The following L3MBTL3 variants were observed in gnomAD, a reference collection of about 807,000 sequenced individuals.
L3MBTL3 encodes the protein lethal(3)malignant brain tumor-like protein 3.
L3MBTL3 carries 27 observed loss-of-function variants against 102.3 expected under a neutral mutation model. That is an observed-to-expected ratio of 0.26 (90% confidence interval 0.19 to 0.36). L3MBTL3 has a LOEUF of 0.36. Ranked by LOEUF, L3MBTL3 falls within the 10% of genes least tolerant of loss-of-function variation. The pLI, the probability that L3MBTL3 is intolerant of heterozygous loss-of-function variation, is 1.00. For synonymous variants in L3MBTL3, 340 were observed against 320.9 expected (o/e 1.06, Z -0.64); for missense variants, 798 against 955.3 (o/e 0.84, Z 2.17).
chr6:130,053,361 C>T (rs1328196683), intron 7 of L3MBTL3, among the ~76,000 whole-genome samples: 9 of 152,098 alleles, frequency 5.9e-5, no homozygotes, highest in African/African-American at 9.7e-5. Context: ...GTGGGCTGGG[C>T]GTGGTGGCTC....
intron 16 of L3MBTL3, among the ~76,000 whole-genome samples, chr6:130,090,101 A>G (rs1385233499): frequency 5.3e-4 from 81 of 152,224 alleles, no homozygotes; most frequent in Non-Finnish European, 5.9e-5. Context: ...TCTTGCTGAC[A>G]CACGTCTTTT....
At chr6:130,026,458 T>G (rs1204215581) in intron 2 of L3MBTL3, among the ~76,000 whole-genome samples, 1 of 152,208 alleles carries the variant, frequency 6.6e-6, no homozygotes, top group Non-Finnish European at 1.5e-5. Context: ...ACACATAGAA[T>G]ATTTTAAAAA....
intron 19 of L3MBTL3, among the ~76,000 whole-genome samples, chr6:130,107,358 G>T (rs1582583347): frequency 1.3e-5 from 2 of 152,116 alleles, no homozygotes; most frequent in African/African-American, 4.8e-5. Context: ...TAACCAGGAT[G>T]CAGTAAGTCA....
intron 19 of L3MBTL3, among the ~76,000 whole-genome samples, chr6:130,111,129 T>G (rs1785321129): frequency 6.6e-6 from 1 of 152,186 alleles, no homozygotes; most frequent in Non-Finnish European, 1.5e-5. Flanking sequence ...GCAAGTAGTT[T>G]ACTTAGTAGG....
At chr6:130,049,723 A>G (rs1283103955) in intron 4 of L3MBTL3, 33 bp from the exon 5 acceptor site, 2 of 1,613,466 alleles carry the variant, frequency 1.2e-6, no homozygotes, top group Admixed American at 1.7e-5. Context: ...ACTAACACCT[A>G]TATGCTGATG....
intron 2 of L3MBTL3, among the ~76,000 whole-genome samples, chr6:130,041,959 T>G (rs1780447797): frequency 6.6e-6 from 1 of 152,196 alleles, no homozygotes; most frequent in South Asian, 2.1e-4. Flanking sequence ...TACACATATT[T>G]CTAAAGATAA....
At chr6:130,020,020 C>G (rs1183864666) in intron 1 of L3MBTL3, among the ~76,000 whole-genome samples, 1 of 47,316 alleles carries the variant, frequency 2.1e-5, no homozygotes, top group African/African-American at 8.3e-5. Flanking sequence ...GCCGGGGCGG[C>G]GGGCTTGTGG....
In L3MBTL3 at chr6:130,104,401, TTTTTC is replaced by T; in HGVS notation, c.1737-15_1737-11del. 6.7e-7 allele frequency: 1 copy of T among 1,488,496 alleles called. No homozygotes were observed. The highest frequency in any genetic ancestry group is 9.0e-7 in the Non-Finnish European group (1 of 1,115,704). The allele number at this position is 1,488,496 out of a possible 1,614,324, so 92.2% of individuals were successfully genotyped here. A position where few individuals can be genotyped will look rare whatever the true frequency, so the allele number is the denominator to read the frequency against. On this transcript the variant is annotated intron_variant, in intron 18 of 22. Coordinates refer to ENST00000361794, the MANE Select transcript of L3MBTL3 (RefSeq NM_032438.4). Reference sequence around the variant, plus strand: ...AATGGAAATGTTCAATGTTCTTTTTTTTTTCTTTTCTTTTAATCTGTTAGTGCTGC... The same window carrying T: ...AATGGAAATGTTCAATGTTCTTTTTTTTTTCTTTTAATCTGTTAGTGCTGC...
chr6:130,139,173 G>A (rs201270127), intron 22 of L3MBTL3, among the ~76,000 whole-genome samples: 8 of 148,940 alleles, frequency 5.4e-5, no homozygotes, highest in Non-Finnish European at 4.5e-5. Context: ...GCTAATTCTG[G>A]AAAAAAAAAA....
intron 19 of L3MBTL3, among the ~76,000 whole-genome samples, chr6:130,105,609 G>A (rs1784935383): frequency 1.9e-5 from 2 of 106,800 alleles, no homozygotes; most frequent in African/African-American, 3.6e-5. Context: ...GTGACAGAGT[G>A]AGACCCTGTC....
chr6:130,111,646 A>T (rs1785353762), intron 19 of L3MBTL3, among the ~76,000 whole-genome samples: 1 of 152,184 alleles, frequency 6.6e-6, no homozygotes, highest in Non-Finnish European at 1.5e-5. Context: ...TCCTGTCATA[A>T]CATTATTTTA....
chr6:130,077,847 A>G (rs1387547932), intron 13 of L3MBTL3, among the ~76,000 whole-genome samples: 1 of 152,146 alleles, frequency 6.6e-6, no homozygotes, highest in Non-Finnish European at 1.5e-5. Flanking sequence ...TTTTAGACCA[A>G]CATTTTCCAG....
chr6:130,108,951 G>C (rs886885221), intron 19 of L3MBTL3, among the ~76,000 whole-genome samples: 2 of 152,098 alleles, frequency 1.3e-5, no homozygotes, highest in African/African-American at 4.8e-5. Flanking sequence ...GTGAGAACGT[G>C]TGGTGTTTGG....
At chr6:130,053,600 A>G (rs1431234258) in intron 7 of L3MBTL3, among the ~76,000 whole-genome samples, 1 of 149,012 alleles carries the variant, frequency 6.7e-6, no homozygotes, top group East Asian at 2.0e-4. Flanking sequence ...GCACCACTGC[A>G]CTCCAGCCTG....
intron 11 of L3MBTL3, 61 bp downstream of exon 11, chr6:130,066,549 C>T (rs1040193977): frequency 6.4e-5 from 90 of 1,409,490 alleles, no homozygotes; most frequent in Non-Finnish European, 8.5e-5. Context: ...TTACATGCTA[C>T]ATTAGAATTG....
chr6:130,093,755 T>C (rs1470978587), intron 17 of L3MBTL3, among the ~76,000 whole-genome samples: 2 of 152,218 alleles, frequency 1.3e-5, no homozygotes, highest in South Asian at 2.1e-4. Context: ...CGAATGTGCC[T>C]GAATGCTTAG....
At chr6:130,019,313 G>C (rs1288995638) in intron 1 of L3MBTL3, 1 of 145,724 alleles carries the variant, frequency 6.9e-6, no homozygotes, top group Non-Finnish European at 1.5e-5. Flanking sequence ...GGCGCCGGCG[G>C]GGGGCGCGGG....
chr6:130,058,770 G>T (rs1167973044), intron 9 of L3MBTL3, among the ~76,000 whole-genome samples: 1 of 152,232 alleles, frequency 6.6e-6, no homozygotes, highest in Non-Finnish European at 1.5e-5. Flanking sequence ...GTTCCAGTAA[G>T]ATTGTTTACA....
At position 130,066,567 on chromosome 6, in the gene L3MBTL3, T is replaced by A. The variant is rs563245827; in HGVS notation, c.1000+79T>A. 86 of 1,289,094 alleles carry A rather than the reference T, an allele frequency of 6.7e-5. No homozygotes were observed. In the East Asian group the frequency reaches 2.1e-3, roughly 31 times the overall value. 79.9% of individuals were successfully genotyped at this position (1,289,094 alleles called of 1,614,324 possible). A position where few individuals can be genotyped will look rare whatever the true frequency, so the allele number is the denominator to read the frequency against. ...CATGCTACATTAGAATTGTTAAGAA[T>A]TCAGACTTTATGAAAATTCAGATAG... On this transcript the variant is annotated intron_variant, in intron 11 of 22. Transcript: ENST00000361794.
Sources: allele counts gnomAD v4.1 joint callset (sites outside exome capture counted in the v4.1 genomes callset), GRCh38; gene constraint gnomAD v4.1.1; transcripts MANE v1.5; gene names NCBI Gene and HGNC (gene_info 2026-07-23, HGNC 2026-07-21).